The following POU2F3 variants were observed in gnomAD, a reference collection of about 807,000 sequenced individuals.
POU2F3 encodes POU domain, class 2, transcription factor 3.
A neutral mutation model predicts 59.2 loss-of-function variants in POU2F3; 23 were observed. The observed-to-expected ratio is 0.39, with a 90% CI of 0.28 to 0.55. The LOEUF is 0.55. Among genes scored for constraint, POU2F3 ranks in the 20% least tolerant of loss-of-function variants. The probability of loss-of-function intolerance (pLI) is 0.66; values close to 1 mark genes in which losing one functional copy is unlikely to be tolerated. For synonymous variants in POU2F3, 190 were observed against 214.6 expected (o/e 0.89, Z 1.00); for missense variants, 473 against 544.5 (o/e 0.87, Z 1.31).
At chr11:120,301,281 C>T (rs931065063) in intron 5 of POU2F3, 3 of 303,106 alleles carry the variant, frequency 9.9e-6, no homozygotes, top group Non-Finnish European at 1.9e-5. Context: ...TTGAGAGTCA[C>T]TTGAAATAAT....
At chr11:120,279,368 G>A (rs1180678692) in intron 3 of POU2F3, among the ~76,000 whole-genome samples, 4 of 152,108 alleles carry the variant, frequency 2.6e-5, no homozygotes, top group African/African-American at 9.7e-5. Flanking sequence ...AAAGTACTTC[G>A]AATAATGTCT....
At chr11:120,251,013 A>G (rs982173994) in intron 2 of POU2F3, among the ~76,000 whole-genome samples, 2 of 151,768 alleles carry the variant, frequency 1.3e-5, no homozygotes, top group Admixed American at 1.3e-4. Flanking sequence ...TGTCACTTAC[A>G]CTAGAGTGTG....
chr11:120,296,152 T>C (rs1235339121), intron 3 of POU2F3, among the ~76,000 whole-genome samples: 3 of 152,154 alleles, frequency 2.0e-5, no homozygotes, highest in Admixed American at 2.0e-4. Flanking sequence ...CAAGATTACG[T>C]AGTAAATTAG....
chr11:120,255,347 C>G (rs187229172), intron 2 of POU2F3, among the ~76,000 whole-genome samples: 1 of 151,968 alleles, frequency 6.6e-6, no homozygotes, highest in African/African-American at 2.4e-5. Flanking sequence ...GAAAAAGGAA[C>G]GAAAAATCGA....
chr11:120,290,491 A>G (rs897733815), intron 3 of POU2F3, among the ~76,000 whole-genome samples: 106 of 152,316 alleles, frequency 7.0e-4, no homozygotes, highest in African/African-American at 2.4e-3. Context: ...GGCCCAGTGC[A>G]GGTGCCTCAC....
At chr11:120,282,565 A>C (rs1238484764) in intron 3 of POU2F3, among the ~76,000 whole-genome samples, 1 of 152,224 alleles carries the variant, frequency 6.6e-6, no homozygotes, top group Admixed American at 6.5e-5. Flanking sequence ...CTAAGGCACA[A>C]GAATCACTTG....
In POU2F3 at chr11:120,269,621, G is replaced by A. The variant is rs190286411; in HGVS notation, c.132+377G>A. Among the ~76,000 whole-genome samples, 21 of 152,292 alleles carry A rather than the reference G, an allele frequency of 1.4e-4. No homozygotes were observed. In the East Asian group the frequency reaches 4.0e-3, roughly 29 times the overall value. On this transcript the variant is annotated intron_variant, in intron 3 of 12. Transcript: ENST00000543440. ...AATTTATGCAGCCACAAAGGATGAG[G>A]TGCCTGGGTTGCCACAGAGAATTCC...
chr11:120,263,497 C>T (rs1318529005), intron 2 of POU2F3, among the ~76,000 whole-genome samples: 3 of 152,356 alleles, frequency 2.0e-5, no homozygotes, highest in East Asian at 3.9e-4. Context: ...CTCTCTGCTT[C>T]GAATCACTTC....
upstream of POU2F3, among the ~76,000 whole-genome samples, chr11:120,238,827 T>TAAAAAAAAA (rs56948018): frequency 1.7e-4 from 8 of 48,338 alleles, no homozygotes; most frequent in African/African-American, 5.8e-4. Context: ...AGACTCTGTC[T>TAAAAAAAAA]AAAAAAAAAA....
intron 3 of POU2F3, among the ~76,000 whole-genome samples, chr11:120,273,810 G>A (rs1417573162): frequency 1.3e-5 from 2 of 152,146 alleles, no homozygotes; most frequent in African/African-American, 4.8e-5. Context: ...GAGGTCAGGA[G>A]TTCAAGACCA....
chr11:120,292,820 G>A (rs1941070126), intron 3 of POU2F3, among the ~76,000 whole-genome samples: 1 of 152,238 alleles, frequency 6.6e-6, no homozygotes, highest in Admixed American at 6.5e-5. Context: ...TGCCATGAGG[G>A]CACAGCGCCC....
intron 8 of POU2F3, among the ~76,000 whole-genome samples, chr11:120,307,080 T>G (rs1941514078): frequency 6.6e-6 from 1 of 152,244 alleles, no homozygotes; most frequent in South Asian, 2.1e-4. Flanking sequence ...AGTATTCACA[T>G]CCAGGCATAT....
At chr11:120,259,463 C>G (rs570366518) in intron 2 of POU2F3, 1 of 152,226 alleles carries the variant, frequency 6.6e-6, no homozygotes, top group Admixed American at 6.5e-5. Flanking sequence ...CTTGCACACA[C>G]GCGGTGTCTT....
At chr11:120,267,066 T>G (rs1939854588) in intron 2 of POU2F3, among the ~76,000 whole-genome samples, 1 of 152,116 alleles carries the variant, frequency 6.6e-6, no homozygotes, top group Admixed American at 6.5e-5. Context: ...TTTACCTTCA[T>G]CTACCCCTTT....
intron 3 of POU2F3, among the ~76,000 whole-genome samples, chr11:120,295,636 G>A (rs1344074516): frequency 6.6e-6 from 1 of 152,140 alleles, no homozygotes; most frequent in Non-Finnish European, 1.5e-5. Flanking sequence ...ATGTTTTCCT[G>A]GAATCTAAGG....
intron 3 of POU2F3, among the ~76,000 whole-genome samples, chr11:120,280,409 C>G (rs1486247458): frequency 6.6e-6 from 1 of 152,234 alleles, no homozygotes; most frequent in African/African-American, 2.4e-5. Flanking sequence ...GTGCCAGGCA[C>G]TTTACATAGG....
chr11:120,307,696 C>A, intron 9 of POU2F3, 81 bp downstream of exon 9: 1 of 1,555,292 alleles, frequency 6.4e-7, no homozygotes, highest in Non-Finnish European at 8.8e-7. Flanking sequence ...CCCCTTGGCA[C>A]CAGCCCCTCC....
upstream of POU2F3, among the ~76,000 whole-genome samples, chr11:120,238,803 C>T (rs1408131686): frequency 7.4e-6 from 1 of 134,438 alleles, no homozygotes; most frequent in African/African-American, 2.9e-5. Context: ...GCACTCCAGC[C>T]TGGCAACAGA....
intron 1 of POU2F3, 103 bp from the exon 2 acceptor site, chr11:120,246,346 T>G (rs1591371604): frequency 8.6e-7 from 1 of 1,161,780 alleles, no homozygotes; most frequent in Non-Finnish European, 1.3e-6. Context: ...GTCTGATGGT[T>G]GTTGTAATTA....
Sources: gnomAD v4.1 joint callset for allele counts (sites outside exome capture counted in the v4.1 genomes callset) on GRCh38, gnomAD v4.1.1 for gene constraint, MANE v1.5 for transcripts, NCBI Gene and HGNC (gene_info 2026-07-23, HGNC 2026-07-21) for gene names.